The following CCR5AS variants were observed in gnomAD, a reference collection of about 807,000 sequenced individuals.
CCR5AS encodes CCR5 antisense RNA.
At chr3:46,403,957 C>T (rs1702023496) in intron 1 of CCR5AS, among the ~76,000 whole-genome samples, 1 of 152,204 alleles carries the variant, frequency 6.6e-6, no homozygotes, top group South Asian at 2.1e-4. Flanking sequence ...CTGCCTCTTA[C>T]TGCGACCCTC....
At chr3:46,379,514 A>C (rs1701794814) in intron 2 of CCR5AS, among the ~76,000 whole-genome samples, 1 of 152,112 alleles carries the variant, frequency 6.6e-6, no homozygotes, top group Admixed American at 6.5e-5. Context: ...TGCTTGCAGA[A>C]TCCAATTAAC....
At chr3:46,373,546 C>T (rs1017863136) in intron 2 of CCR5AS, 15 of 1,612,986 alleles carry the variant, frequency 9.3e-6, no homozygotes, top group Middle Eastern at 1.6e-4. Flanking sequence ...ATCTGCTACT[C>T]GGGAATCCTA....
At chr3:46,393,243 T>C (rs1297378947) in intron 1 of CCR5AS, among the ~76,000 whole-genome samples, 1 of 151,066 alleles carries the variant, frequency 6.6e-6, no homozygotes. Context: ...TCAGTTGGGG[T>C]GGGGCAGGAA....
chr3:46,399,228 G>T (rs1321823619), intron 1 of CCR5AS, among the ~76,000 whole-genome samples: 1 of 152,172 alleles, frequency 6.6e-6, no homozygotes, highest in Non-Finnish European at 1.5e-5. Context: ...TGTTGTTATT[G>T]TCTGTAGTAA....
intron 2 of CCR5AS, among the ~76,000 whole-genome samples, chr3:46,387,558 G>C (rs996715885): frequency 3.3e-5 from 5 of 152,148 alleles, no homozygotes; most frequent in Non-Finnish European, 7.3e-5. Context: ...AGACCAGCCT[G>C]AGCAACATGG....
At chr3:46,396,623 C>T (rs1701964170) in intron 1 of CCR5AS, among the ~76,000 whole-genome samples, 1 of 152,232 alleles carries the variant, frequency 6.6e-6, no homozygotes, top group Non-Finnish European at 1.5e-5. Context: ...GCTGCCTGCC[C>T]AGGCAATGCC....
chr3:46,376,429 T>C (rs1701758586), intron 2 of CCR5AS, among the ~76,000 whole-genome samples: 1 of 152,192 alleles, frequency 6.6e-6, no homozygotes, highest in Non-Finnish European at 1.5e-5. Flanking sequence ...TATTTAGAGA[T>C]GGTACCTCTA....
chr3:46,380,381 T>C (rs1701805173), intron 2 of CCR5AS, among the ~76,000 whole-genome samples: 2 of 151,990 alleles, frequency 1.3e-5, no homozygotes, highest in Admixed American at 1.3e-4. Context: ...AAAGAGAAAA[T>C]AATTTAAAAA....
chr3:46,392,077 T>C (rs911481793), intron 2 of CCR5AS, among the ~76,000 whole-genome samples: 1 of 152,224 alleles, frequency 6.6e-6, no homozygotes, highest in Non-Finnish European at 1.5e-5. Context: ...GAAAGTGTCA[T>C]TCTCTGGCCA....
intron 1 of CCR5AS, among the ~76,000 whole-genome samples, chr3:46,399,774 G>A (rs1490478589): frequency 1.3e-5 from 2 of 152,132 alleles, no homozygotes; most frequent in African/African-American, 4.8e-5. Flanking sequence ...AAAAGCAGAA[G>A]ATGAGATCAT....
At chr3:46,405,360 G>A (rs980125875) in intron 1 of CCR5AS, among the ~76,000 whole-genome samples, 5 of 152,142 alleles carry the variant, frequency 3.3e-5, no homozygotes, top group Admixed American at 6.5e-5. Context: ...TGTGACATGC[G>A]GTACATGAGG....
intron 2 of CCR5AS, among the ~76,000 whole-genome samples, chr3:46,379,727 C>G (rs1490081484): frequency 2.0e-5 from 3 of 151,850 alleles, no homozygotes; most frequent in African/African-American, 7.3e-5. Flanking sequence ...AAACCCCTGC[C>G]TCTACTAAAA....
At position 46,373,270 on chromosome 3, in the gene CCR5AS, C is replaced by A. The variant is rs747196580; in HGVS notation, n.392-1853G>T. On this transcript the variant is annotated intron_variant and non_coding_transcript_variant, in intron 2 of 3. Transcript: ENST00000451485. ...GGAATCTTCTTCATCATCCTCCTGA[C>A]AATCGATAGGTACCTGGCTGTCGTC... 14 of 1,614,060 alleles carry A rather than the reference C, an allele frequency of 8.7e-6. No individual in the cohort carries two copies. The African/African-American group carries it at 1.5e-4, about 17-fold the overall frequency.
chr3:46,394,021 C>T (rs1450527027), intron 1 of CCR5AS, among the ~76,000 whole-genome samples: 1 of 152,230 alleles, frequency 6.6e-6, no homozygotes, highest in Non-Finnish European at 1.5e-5. Context: ...CTGTTCAGTG[C>T]TCCCCAGCCA....
chr3:46,387,238 G>C (rs957494327), intron 2 of CCR5AS, among the ~76,000 whole-genome samples: 2 of 152,142 alleles, frequency 1.3e-5, no homozygotes, highest in Admixed American at 6.5e-5. Flanking sequence ...CAGCCCTACA[G>C]ACGCAGTGCC....
chr3:46,401,770 ATAT>A (rs1702008070), intron 1 of CCR5AS, among the ~76,000 whole-genome samples: 1 of 149,024 alleles, frequency 6.7e-6, no homozygotes, highest in South Asian at 2.1e-4. Context: ...TTAATTAATA[ATAT>A]TAATTTATTA....
intron 2 of CCR5AS, among the ~76,000 whole-genome samples, chr3:46,390,619 G>A (rs1361037944): frequency 6.6e-6 from 1 of 152,136 alleles, no homozygotes; most frequent in East Asian, 1.9e-4. Context: ...GTGGATTAAG[G>A]TGGGGAGATA....
intron 2 of CCR5AS, among the ~76,000 whole-genome samples, chr3:46,378,387 A>G (rs1701782720): frequency 6.6e-6 from 1 of 151,696 alleles, no homozygotes; most frequent in Admixed American, 6.6e-5. Context: ...TATTGTTACT[A>G]CGTGGTTTGA....
chr3:46,380,529 C>T (rs1307690844), intron 2 of CCR5AS, among the ~76,000 whole-genome samples: 1 of 152,214 alleles, frequency 6.6e-6, no homozygotes, highest in Non-Finnish European at 1.5e-5. Flanking sequence ...AGCCCAACCC[C>T]TTTGCTTTAT....
Sources: allele counts gnomAD v4.1 joint callset (sites outside exome capture counted in the v4.1 genomes callset), GRCh38; gene constraint gnomAD v4.1.1; transcripts MANE v1.5; gene names NCBI Gene and HGNC (gene_info 2026-07-23, HGNC 2026-07-21).